The following GNG7 variants were observed in gnomAD, a reference collection of about 807,000 sequenced individuals.
GNG7 encodes guanine nucleotide-binding protein G(I)/G(S)/G(O) subunit gamma-7.
A neutral mutation model predicts 4.0 loss-of-function variants in GNG7; 1 was observed. The ratio of observed to expected loss-of-function variants is 0.25; its 90% CI spans 0.09 to 1.18. The LOEUF is 1.18. Among genes scored for constraint, GNG7 ranks in the 50% most tolerant of loss-of-function variants. The pLI is 0.50. For synonymous variants in GNG7, 34 were observed against 36.9 expected (o/e 0.92, Z 0.29); for missense variants, 86 against 91.9 (o/e 0.94, Z 0.26).
rs8100013 is a variant in GNG7 at position 2,634,531 on chromosome 19, G to A, written c.-78+11693C>T. Reference sequence around the variant, plus strand: ...GCTGGGTACAGGGAGAGGTTTCTGAGTCCTGGAGACTGTGGCAGAGCCCCT... The same window carrying A: ...GCTGGGTACAGGGAGAGGTTTCTGAATCCTGGAGACTGTGGCAGAGCCCCT... On this transcript the variant is annotated intron_variant, in intron 2 of 4. Coordinates refer to ENST00000382159, the MANE Select transcript of GNG7 (RefSeq NM_052847.3). This position sits in a 1 kb window ranked among gnomAD's most constrained non-coding sequence, Gnocchi z 5.3. Among the ~76,000 whole-genome samples, 18,350 of 152,116 alleles carry A rather than the reference G, an allele frequency of 0.12. 2,668 individuals carry two copies. The highest frequency in any genetic ancestry group is 0.35 in the African/African-American group (14,589 of 41,438).
chr19:2,574,947 G>A (rs1241311627), intron 2 of GNG7, among the ~76,000 whole-genome samples: 2 of 152,172 alleles, frequency 1.3e-5, no homozygotes, highest in African/African-American at 4.8e-5. Flanking sequence ...CTGCTGGCAG[G>A]CCCTGTGAAA....
At chr19:2,579,637 G>A (rs553056572) in intron 2 of GNG7, among the ~76,000 whole-genome samples, 3 of 152,332 alleles carry the variant, frequency 2.0e-5, no homozygotes, top group African/African-American at 4.8e-5. Context: ...ACCTTCCTCG[G>A]GGACATGCAA....
At chr19:2,556,847 C>G (rs1979560196) in intron 2 of GNG7, among the ~76,000 whole-genome samples, 1 of 152,190 alleles carries the variant, frequency 6.6e-6, no homozygotes, top group Non-Finnish European at 1.5e-5. Context: ...AGCTGCGTCC[C>G]TGGCATCCAC....
intron 1 of GNG7, among the ~76,000 whole-genome samples, chr19:2,647,634 C>T (rs1279687132): frequency 1.3e-5 from 2 of 152,134 alleles, no homozygotes. Context: ...GGGAGGATCG[C>T]TTGATCCTGG....
At chr19:2,553,896 A>C (rs544483135) in intron 3 of GNG7, among the ~76,000 whole-genome samples, 2 of 144,712 alleles carry the variant, frequency 1.4e-5, no homozygotes, top group African/African-American at 5.1e-5. Flanking sequence ...ATTCTATGTA[A>C]TATTACATAC....
chr19:2,632,543 A>G (rs1982191865), intron 2 of GNG7: 1 of 152,324 alleles, frequency 6.6e-6, no homozygotes, highest in African/African-American at 2.4e-5. Flanking sequence ...AATTGTAAAA[A>G]CAGCTGACGA....
At chr19:2,520,357 T>C (rs1210607564) in intron 4 of GNG7, among the ~76,000 whole-genome samples, 1 of 152,186 alleles carries the variant, frequency 6.6e-6, no homozygotes, top group Non-Finnish European at 1.5e-5. Flanking sequence ...GATGACCGTC[T>C]CCACGGGGCC....
At chr19:2,697,178 T>C (rs1037314959) in intron 1 of GNG7, among the ~76,000 whole-genome samples, 1 of 152,242 alleles carries the variant, frequency 6.6e-6, no homozygotes, top group African/African-American at 2.4e-5. Context: ...ATTTAAAAGA[T>C]GGAATTGCAT....
In GNG7 at chr19:2,580,867, C is replaced by T. The variant is rs538556368; in HGVS notation, c.-77-25679G>A. Among the ~76,000 whole-genome samples, 163 of 151,636 alleles carry T rather than the reference C, an allele frequency of 1.1e-3. 2 individuals carry two copies. Among genetic ancestry groups the T allele is most frequent in the Non-Finnish European group, 1.2e-3 (82 of 67,838 alleles). On this transcript the variant is annotated intron_variant, in intron 2 of 4. Transcript: ENST00000382159. ...GCAACCTCCCCCTCCCAGGTTCAAG[C>T]GATTCTCCTGCCTCAGCCTCCCGAG...
At chr19:2,608,348 A>G (rs966153667) in intron 2 of GNG7, among the ~76,000 whole-genome samples, 3 of 151,080 alleles carry the variant, frequency 2.0e-5, no homozygotes, top group African/African-American at 7.3e-5. Context: ...AGCCCCTGCA[A>G]GGCAAGGCCT....
Position 2,614,370 on chromosome 19 carries a change from CA to C in GNG7, c.-78+31853del, listed in dbSNP as rs1169288123. 6.6e-6 allele frequency among the ~76,000 whole-genome samples: 1 copy of C among 152,194 alleles called. No homozygotes were observed. Among genetic ancestry groups the C allele is most frequent in the African/African-American group, 2.4e-5 (1 of 41,442 alleles). On this transcript the variant is annotated intron_variant, in intron 2 of 4. Coordinates refer to ENST00000382159, the MANE Select transcript of GNG7 (RefSeq NM_052847.3). The surrounding 1 kb of genome is among the most constrained non-coding windows in gnomAD (Gnocchi z 6.0). ...TTCCAGACATCCAGTGGCATTCGTG[CA>C]GCCATCATCTCTAGCTAGCTCTAGA...
intron 2 of GNG7, among the ~76,000 whole-genome samples, chr19:2,612,883 G>T (rs944843064): frequency 2.6e-5 from 4 of 151,846 alleles, no homozygotes; most frequent in Non-Finnish European, 5.9e-5. Flanking sequence ...GTAGAGACGG[G>T]TTTTCACCAT....
chr19:2,526,827 G>A (rs185452172), intron 3 of GNG7, among the ~76,000 whole-genome samples: 31 of 150,670 alleles, frequency 2.1e-4, no homozygotes, highest in African/African-American at 6.6e-4. Context: ...TCTGTTATAG[G>A]TTTATTGAAT....
chr19:2,517,454 C>T (rs1599368946), intron 4 of GNG7, among the ~76,000 whole-genome samples: 1 of 152,036 alleles, frequency 6.6e-6, no homozygotes, highest in African/African-American at 2.4e-5. Flanking sequence ...AACCTCCGCC[C>T]CCTGGGTCCA....
At chr19:2,586,434 C>T (rs1408160179) in intron 2 of GNG7, among the ~76,000 whole-genome samples, 2 of 152,144 alleles carry the variant, frequency 1.3e-5, no homozygotes, top group Non-Finnish European at 2.9e-5. Flanking sequence ...TCTGGGATGG[C>T]GCGTCTGGCT....
At chr19:2,642,774 G>T (rs1355377358) in intron 2 of GNG7, 2 of 456,568 alleles carry the variant, frequency 4.4e-6, no homozygotes, top group African/African-American at 4.0e-5. Context: ...GATTACAGGC[G>T]TGAGCCATGG....
intron 2 of GNG7, among the ~76,000 whole-genome samples, chr19:2,619,242 G>A (rs1332735662): frequency 1.3e-5 from 2 of 152,172 alleles, no homozygotes; most frequent in African/African-American, 2.4e-5. Flanking sequence ...AGCTAACTAC[G>A]GCCCCTGGAC....
chr19:2,526,120 G>A (rs919254587), intron 3 of GNG7, among the ~76,000 whole-genome samples: 1 of 151,986 alleles, frequency 6.6e-6, no homozygotes, highest in Non-Finnish European at 1.5e-5. Flanking sequence ...ACAGGCGCCC[G>A]CCACCACGCC....
intron 2 of GNG7, among the ~76,000 whole-genome samples, chr19:2,593,413 T>C (rs1416884651): frequency 6.6e-6 from 1 of 152,202 alleles, no homozygotes; most frequent in Admixed American, 6.5e-5. Context: ...GTTCTATATA[T>C]TTACAAGCCT....
Sources: allele counts gnomAD v4.1 joint callset (sites outside exome capture counted in the v4.1 genomes callset), GRCh38; gene constraint gnomAD v4.1.1; non-coding constraint Gnocchi (gnomAD v3.1); transcripts MANE v1.5; gene names NCBI Gene and HGNC (gene_info 2026-07-23, HGNC 2026-07-21).